FIG4: variants seen among roughly 807,000 people sequenced by gnomAD.
The protein encoded by FIG4 is polyphosphoinositide phosphatase.
In FIG4, 112 loss-of-function variants were observed where a neutral mutation model predicts 118.6. The ratio of observed to expected loss-of-function variants is 0.94; its 90% confidence interval spans 0.81 to 1.11. FIG4 has a LOEUF of 1.11. Ranked by LOEUF, FIG4 falls within the 50% of genes least tolerant of loss-of-function variation. The pLI is 0.00. For synonymous variants in FIG4, 369 were observed against 381.2 expected (o/e 0.97, Z 0.37); for missense variants, 969 against 1,111.7 (o/e 0.87, Z 1.83).
chr6:109,742,033 CAT>C (rs557793747), intron 8 of FIG4, among the ~76,000 whole-genome samples: 68 of 152,056 alleles, frequency 4.5e-4, no homozygotes, highest in East Asian at 2.5e-3. Context: ...GCATCTGAAA[CAT>C]GTGAGAAATA....
intron 1 of FIG4, among the ~76,000 whole-genome samples, chr6:109,701,878 G>T (rs1218058618): frequency 6.6e-6 from 1 of 152,240 alleles, no homozygotes; most frequent in Non-Finnish European, 1.5e-5. Flanking sequence ...AACTGGTTTA[G>T]AGTGTGTGGT....
At chr6:109,745,457 T>G (rs1345166671) in intron 10 of FIG4, among the ~76,000 whole-genome samples, 1 of 152,348 alleles carries the variant, frequency 6.6e-6, no homozygotes, top group African/African-American at 2.4e-5. Flanking sequence ...GAGAAGTGTC[T>G]GTTCATATCC....
chr6:109,739,571 A>G (rs1409081027), intron 7 of FIG4, among the ~76,000 whole-genome samples: 1 of 152,082 alleles, frequency 6.6e-6, no homozygotes, highest in African/African-American at 2.4e-5. Context: ...CTTCATTTTC[A>G]GTTGGGATTT....
chr6:109,772,680 C>T (rs1235499268), intron 15 of FIG4, among the ~76,000 whole-genome samples: 5 of 151,962 alleles, frequency 3.3e-5, no homozygotes, highest in African/African-American at 4.8e-5. Context: ...CTTGAACTCC[C>T]GACCTCAGGT....
chr6:109,765,798 G>A (rs1777262620), intron 14 of FIG4, among the ~76,000 whole-genome samples: 1 of 152,124 alleles, frequency 6.6e-6, no homozygotes, highest in Admixed American at 6.6e-5. Context: ...AGTCCATGAA[G>A]TATTATTTTT....
At chr6:109,783,656 G>A (rs1777872274) in intron 16 of FIG4, among the ~76,000 whole-genome samples, 2 of 152,204 alleles carry the variant, frequency 1.3e-5, no homozygotes, top group Admixed American at 1.3e-4. Flanking sequence ...ACAAGCAGCA[G>A]CCTTATCCTT....
intron 6 of FIG4, 102 bp downstream of exon 6, chr6:109,735,400 T>C: frequency 1.7e-6 from 2 of 1,163,404 alleles, no homozygotes; most frequent in East Asian, 2.4e-5. Context: ...CATCCCTCTT[T>C]GCTGTTTGTC....
In FIG4 at chr6:109,735,153, C is replaced by G; in HGVS notation, c.501C>G (p.Tyr167Ter). 1 of 1,611,952 alleles carries G rather than the reference C, an allele frequency of 6.2e-7. No homozygotes were observed. The highest frequency in any genetic ancestry group is 8.5e-7 in the Non-Finnish European group (1 of 1,178,348). Residue 167 changes from tyrosine (Y) to a stop codon, truncating the protein, a stop_gained, in exon 6 of 23, where the codon TAC becomes TAG. Coordinates refer to ENST00000230124, the MANE Select transcript of FIG4 (RefSeq NM_014845.6). LOFTEE classifies it high-confidence loss of function. Reference sequence around the variant, plus strand: ...TAAGTTTCAATTCTGTTCTCAGTTACAGCTATGATTTGTCCCACTCACTTC... The same window carrying G: ...TAAGTTTCAATTCTGTTCTCAGTTAGAGCTATGATTTGTCCCACTCACTTC... Reference protein sequence around the residue: ...VDLSSNFYFSYSYDLSHSLQY... With the variant: ...VDLSSNFYFS
chr6:109,701,060 A>G (rs1012925880), intron 1 of FIG4, among the ~76,000 whole-genome samples: 5 of 152,306 alleles, frequency 3.3e-5, no homozygotes, highest in South Asian at 2.1e-4. Flanking sequence ...ATTTAGAAAT[A>G]TAATTGGGTA....
intron 22 of FIG4, among the ~76,000 whole-genome samples, chr6:109,817,322 T>A (rs77478591): frequency 7.9e-4 from 120 of 152,322 alleles, no homozygotes; most frequent in Middle Eastern, 3.4e-3. Context: ...TATTGGTGGA[T>A]GCTTCCCGAG....
chr6:109,825,321 C>G lies in FIG4; in HGVS notation c.*56C>G, dbSNP rs1779129946. 6.6e-7 allele frequency: 1 copy of G among 1,518,356 alleles called. No homozygotes were observed. Among genetic ancestry groups the G allele is most frequent in the Non-Finnish European group, 9.1e-7 (1 of 1,094,356 alleles). The allele number at this position is 1,518,356 out of a possible 1,614,324, so 94.1% of individuals were successfully genotyped here. A position where few individuals can be genotyped will look rare whatever the true frequency, so the allele number is the denominator to read the frequency against. On this transcript the variant is annotated 3_prime_UTR_variant, in exon 23 of 23. Transcript: ENST00000230124. ...CTGATTAGCTTAGAACCTGTCTTGT[C>G]TCATCTTCAAAAGGTAACTTATTAA...
chr6:109,805,783 T>C (rs1218870240), intron 22 of FIG4, among the ~76,000 whole-genome samples: 1 of 152,210 alleles, frequency 6.6e-6, no homozygotes, highest in Non-Finnish European at 1.5e-5. Flanking sequence ...CAGAGAAATG[T>C]ATTAGTTTTT....
At chr6:109,812,808 A>C (rs1778756868) in intron 22 of FIG4, among the ~76,000 whole-genome samples, 1 of 152,160 alleles carries the variant, frequency 6.6e-6, no homozygotes, top group South Asian at 2.1e-4. Context: ...CTGGAGGGGA[A>C]TATGAACTTG....
intron 4 of FIG4, among the ~76,000 whole-genome samples, chr6:109,729,614 G>C (rs1775926516): frequency 6.6e-6 from 1 of 151,886 alleles, no homozygotes; most frequent in South Asian, 2.1e-4. Context: ...AGTTCAGTAA[G>C]GTGACTAAGA....
intron 13 of FIG4, 28 bp from the exon 14 acceptor site, chr6:109,764,985 T>C: frequency 6.2e-7 from 1 of 1,606,642 alleles, no homozygotes; most frequent in East Asian, 2.2e-5. Flanking sequence ...GGAATAATGA[T>C]TGAAAATCTT....
At chr6:109,742,375 C>T (rs1024125579) in intron 8 of FIG4, among the ~76,000 whole-genome samples, 5 of 152,032 alleles carry the variant, frequency 3.3e-5, no homozygotes, top group Admixed American at 3.3e-4. Context: ...TTCCATCAGC[C>T]GTGTTCTGTC....
Position 109,716,475 on chromosome 6 carries a change from CT to C in FIG4, c.198del (p.Gly68AlafsTer35). The C allele has an allele frequency of 6.2e-7, 1 of 1,613,818 alleles. No individual in the cohort carries two copies. The highest frequency in any genetic ancestry group is 8.5e-7 in the Non-Finnish European group (1 of 1,179,790). The stretch of plus-strand genomic sequence containing the variant: ...CTATACTCAACAAGAAGTAAGGGAA[CT>C]TCTTGGCCGCTTGGATCTTGGAAAT... The part of the protein sequence containing the change: ...HVYTQQEVRE[L>X]LGRLDLGNRT... On this transcript the variant is annotated frameshift_variant, in exon 3 of 23. Coordinates refer to ENST00000230124, the MANE Select transcript of FIG4 (RefSeq NM_014845.6). LOFTEE classifies it high-confidence loss of function.
At chr6:109,734,300 C>T (rs1776096289) in intron 5 of FIG4, among the ~76,000 whole-genome samples, 1 of 151,332 alleles carries the variant, frequency 6.6e-6, no homozygotes, top group South Asian at 2.1e-4. Flanking sequence ...AGCTAGGCTC[C>T]TTTAGAGTTT....
At chr6:109,756,524 C>T (rs980143592) in intron 10 of FIG4, among the ~76,000 whole-genome samples, 2 of 152,180 alleles carry the variant, frequency 1.3e-5, no homozygotes, top group African/African-American at 4.8e-5. Flanking sequence ...TAATATCCTG[C>T]AGAGTGTTTT....
Sources: allele counts gnomAD v4.1 joint callset (sites outside exome capture counted in the v4.1 genomes callset), GRCh38; gene constraint gnomAD v4.1.1; transcripts MANE v1.5; gene names NCBI Gene and HGNC (gene_info 2026-07-23, HGNC 2026-07-21).